Variants in MTBP observed in about 807,000 individuals in gnomAD.
MTBP encodes mdm2-binding protein.
In MTBP, 101 loss-of-function variants were observed where a neutral mutation model predicts 117.0. That is an observed-to-expected ratio of 0.86 (90% CI 0.73 to 1.02). The LOEUF (loss-of-function observed/expected upper bound fraction) is 1.02, where lower values mean the gene tolerates loss of function less well. MTBP is among the 50% of genes least tolerant of loss of function. The pLI is 0.00. For missense variants in MTBP, 970 were observed against 1,030.9 expected (o/e 0.94, Z 0.81); for synonymous variants, 350 against 351.5 (o/e 1.00, Z 0.05).
chr8:120,486,677 C>T (rs1187546270), intron 11 of MTBP, among the ~76,000 whole-genome samples: 2 of 152,078 alleles, frequency 1.3e-5, no homozygotes, highest in African/African-American at 2.4e-5. Context: ...GAGGGAGACC[C>T]ATCTTTTTGG....
At chr8:120,495,885 C>CT (rs1222667941) in intron 13 of MTBP, among the ~76,000 whole-genome samples, 1 of 151,976 alleles carries the variant, frequency 6.6e-6, no homozygotes, top group Non-Finnish European at 1.5e-5. Flanking sequence ...GCTGGACTCC[C>CT]TTTTTTCTGT....
intron 10 of MTBP, 122 bp from the exon 11 acceptor site, chr8:120,470,698 G>T: frequency 1.6e-6 from 1 of 639,334 alleles, no homozygotes; most frequent in Non-Finnish European, 2.6e-6. Flanking sequence ...TGGAGTTTTT[G>T]GGAGAGGGCA....
chr8:120,462,827 A>G (rs1813607759), intron 9 of MTBP, among the ~76,000 whole-genome samples: 1 of 152,154 alleles, frequency 6.6e-6, no homozygotes, highest in Non-Finnish European at 1.5e-5. Flanking sequence ...TCCTACTGCA[A>G]CCAGAGCAGC....
chr8:120,455,629 C>A, intron 6 of MTBP, 50 bp downstream of exon 6: 3 of 1,522,158 alleles, frequency 2.0e-6, no homozygotes, highest in Admixed American at 1.7e-5. Flanking sequence ...TCTGTTTTCA[C>A]AATTAACATA....
intron 6 of MTBP, among the ~76,000 whole-genome samples, chr8:120,455,975 C>T (rs1477136127): frequency 6.6e-6 from 1 of 152,100 alleles, no homozygotes; most frequent in African/African-American, 2.4e-5. Context: ...TTGTATATTA[C>T]AATTTTGATC....
chr8:120,503,252 T>C (rs949390001), intron 15 of MTBP, among the ~76,000 whole-genome samples: 2 of 152,210 alleles, frequency 1.3e-5, no homozygotes, highest in African/African-American at 2.4e-5. Flanking sequence ...CAGGCATTTA[T>C]TGAGTACCAA....
intron 1 of MTBP, 52 bp from the exon 2 acceptor site, chr8:120,446,377 AAGTT>A: frequency 9.5e-7 from 1 of 1,056,932 alleles, no homozygotes; most frequent in Admixed American, 1.7e-5. Context: ...AAATTGGACT[AAGTT>A]AGATTATGTA....
chr8:120,518,214 A>G, intron 19 of MTBP, 114 bp downstream of exon 19: 1 of 1,211,328 alleles, frequency 8.3e-7, no homozygotes, highest in Non-Finnish European at 1.1e-6. Flanking sequence ...GATGTCTAGA[A>G]TTTACTGGTG....
rs559261206 is a variant in MTBP, at chr8:120,504,510, A to G, written c.1727+1901A>G. The stretch of plus-strand genomic sequence containing the variant: ...TTTTCTTGGATTTCATATATTAAAG[A>G]GAAGTCTGATGCCACATCGATTTTT... On this transcript the variant is annotated intron_variant, in intron 15 of 21. Transcript: ENST00000305949. 1.8e-4 allele frequency among the ~76,000 whole-genome samples: 28 copies of G among 152,268 alleles called. No individual in the cohort carries two copies. In the South Asian group the frequency reaches 5.2e-3, roughly 28 times the overall value.
chr8:120,462,680 T>C (rs1473268621), intron 9 of MTBP, among the ~76,000 whole-genome samples: 1 of 152,172 alleles, frequency 6.6e-6, no homozygotes, highest in East Asian at 1.9e-4. Flanking sequence ...TCAGAAGCTA[T>C]TTGATGTTTT....
At chr8:120,503,596 C>A (rs1183584374) in intron 15 of MTBP, among the ~76,000 whole-genome samples, 1 of 151,950 alleles carries the variant, frequency 6.6e-6, no homozygotes, top group Non-Finnish European at 1.5e-5. Flanking sequence ...ATACACAGTT[C>A]AGATTTCATT....
intron 12 of MTBP, 54 bp from the exon 13 acceptor site, chr8:120,490,409 A>G (rs1236465164): frequency 8.9e-7 from 1 of 1,126,184 alleles, no homozygotes; most frequent in African/African-American, 1.6e-5. Context: ...CTGAGTACTA[A>G]TTGTTGGCAA....
At chr8:120,446,613 C>T in intron 2 of MTBP, 100 bp downstream of exon 2, 1 of 772,666 alleles carries the variant, frequency 1.3e-6, no homozygotes, top group Non-Finnish European at 2.3e-6. Context: ...TACTTCTTGA[C>T]TGTGTACAAG....
At chr8:120,470,471 C>G (rs1813794614) in intron 10 of MTBP, among the ~76,000 whole-genome samples, 1 of 152,172 alleles carries the variant, frequency 6.6e-6, no homozygotes, top group Non-Finnish European at 1.5e-5. Context: ...TGCTAGAACT[C>G]AGCCTTACAC....
intron 10 of MTBP, among the ~76,000 whole-genome samples, chr8:120,467,459 A>G (rs1330409757): frequency 1.3e-5 from 2 of 152,168 alleles, no homozygotes; most frequent in Non-Finnish European, 1.5e-5. Flanking sequence ...TACTAAAACA[A>G]TAGAAAATAT....
Position 120,523,278 on chromosome 8 carries a change from C to T in MTBP, c.2677-20C>T. The stretch of plus-strand genomic sequence containing the variant: ...GTTTTCAAGAGAAATCTTCTGTAAT[C>T]ATATTTTTTCTCCCCCTAGGTGATT... On this transcript the variant is annotated intron_variant, in intron 21 of 21. Coordinates refer to ENST00000305949, the MANE Select transcript of MTBP (RefSeq NM_022045.5). The T allele has an allele frequency of 6.7e-7, 1 of 1,497,376 alleles. No homozygotes were observed. Among genetic ancestry groups the T allele is most frequent in the Non-Finnish European group, 9.1e-7 (1 of 1,099,802 alleles). The allele number at this position is 1,497,376 out of a possible 1,614,324, so 92.8% of individuals were successfully genotyped here.
chr8:120,506,662 A>C, intron 15 of MTBP, 44 bp from the exon 16 acceptor site: 2 of 1,363,918 alleles, frequency 1.5e-6, no homozygotes, highest in Non-Finnish European at 1.9e-6. Flanking sequence ...TTCTCTCTGG[A>C]TTGAATCCAC....
chr8:120,455,071 G>GT (rs145191598), intron 5 of MTBP, among the ~76,000 whole-genome samples: 14 of 148,714 alleles, frequency 9.4e-5, no homozygotes, highest in East Asian at 3.9e-4. Flanking sequence ...AATTGCACAG[G>GT]TTTTTTTTTT....
intron 17 of MTBP, 123 bp downstream of exon 17, chr8:120,510,152 CA>C: frequency 3.2e-6 from 2 of 629,886 alleles, no homozygotes; most frequent in Non-Finnish European, 5.0e-6. Flanking sequence ...TCAAAAACCT[CA>C]AAAAGCAAAG....
Sources: gnomAD v4.1 joint callset for allele counts (sites outside exome capture counted in the v4.1 genomes callset) on GRCh38, gnomAD v4.1.1 for gene constraint, MANE v1.5 for transcripts, NCBI Gene and HGNC (gene_info 2026-07-23, HGNC 2026-07-21) for gene names.